GPC6: variants seen among roughly 807,000 people sequenced by gnomAD.
GPC6 encodes glypican 6.
GPC6 carries 14 observed loss-of-function variants against 55.2 expected under a neutral mutation model. The ratio of observed to expected loss-of-function variants is 0.25; its 90% confidence interval spans 0.17 to 0.40. The LOEUF is 0.40. Among genes scored for constraint, GPC6 ranks in the 10% least tolerant of loss-of-function variants. The probability of loss-of-function intolerance (pLI) is 1.00; values close to 1 mark genes in which losing one functional copy is unlikely to be tolerated. For missense variants in GPC6, 641 were observed against 708.5 expected (o/e 0.90, Z 1.08); for synonymous variants, 278 against 259.6 (o/e 1.07, Z -0.68).
chr13:94,210,185 C>T (rs1381207029), intron 4 of GPC6, among the ~76,000 whole-genome samples: 26 of 144,898 alleles, frequency 1.8e-4, no homozygotes, highest in African/African-American at 6.7e-4. Context: ...GAGACAGAGT[C>T]TCGCTGTGCC....
chr13:93,749,672 TA>T (rs1054334260), intron 2 of GPC6, among the ~76,000 whole-genome samples: 5 of 151,922 alleles, frequency 3.3e-5, no homozygotes, highest in African/African-American at 1.2e-4. Context: ...GTTCTATAAT[TA>T]AAAGCAATAA....
chr13:93,703,381 A>G (rs1882739935), intron 2 of GPC6, among the ~76,000 whole-genome samples: 1 of 151,984 alleles, frequency 6.6e-6, no homozygotes, highest in Non-Finnish European at 1.5e-5. Context: ...TAATAATTAT[A>G]AAAGTTTGGA....
intron 2 of GPC6, among the ~76,000 whole-genome samples, chr13:93,616,220 A>G (rs980459915): frequency 6.6e-6 from 1 of 152,114 alleles, no homozygotes; most frequent in Non-Finnish European, 1.5e-5. Flanking sequence ...TAACTAGCAC[A>G]TTCAAAATAA....
chr13:93,242,526 A>G (rs930777745), intron 1 of GPC6, among the ~76,000 whole-genome samples: 5 of 152,158 alleles, frequency 3.3e-5, no homozygotes, highest in Non-Finnish European at 7.4e-5. Flanking sequence ...CACCCAAGCC[A>G]AGCTCCTACA....
intron 4 of GPC6, among the ~76,000 whole-genome samples, chr13:94,039,674 A>T (rs1483492439): frequency 1.3e-5 from 2 of 151,870 alleles, no homozygotes; most frequent in African/African-American, 4.8e-5. Context: ...TGTTCCTGGG[A>T]CAAAAGCTGG....
chr13:93,484,408 C>A (rs1237514328), intron 1 of GPC6, among the ~76,000 whole-genome samples: 4 of 152,072 alleles, frequency 2.6e-5, no homozygotes, highest in Non-Finnish European at 5.9e-5. Context: ...TCACAGAAAT[C>A]AATTTGACAA....
At chr13:93,284,417 G>A (rs1296861957) in intron 1 of GPC6, among the ~76,000 whole-genome samples, 1 of 152,154 alleles carries the variant, frequency 6.6e-6, no homozygotes, top group Non-Finnish European at 1.5e-5. Flanking sequence ...ATATTTAATA[G>A]TTTTATCAGG....
At chr13:93,523,434 A>C (rs1386335000) in intron 1 of GPC6, among the ~76,000 whole-genome samples, 1 of 133,754 alleles carries the variant, frequency 7.5e-6, no homozygotes, top group Admixed American at 7.8e-5. Context: ...TTGGTGTATG[A>C]CATTTTACAC....
intron 4 of GPC6, among the ~76,000 whole-genome samples, chr13:94,123,167 TAAATATTTAA>T (rs1886695163): frequency 1.3e-5 from 2 of 152,090 alleles, no homozygotes; most frequent in Admixed American, 6.6e-5. Flanking sequence ...ATACTATTAG[TAAATATTTAA>T]GTATCAATAT....
At chr13:94,309,597 A>C (rs1322462640) in intron 6 of GPC6, among the ~76,000 whole-genome samples, 2 of 151,776 alleles carry the variant, frequency 1.3e-5, no homozygotes, top group Non-Finnish European at 2.9e-5. Flanking sequence ...ATATACACAT[A>C]AGAAGCAGTT....
intron 1 of GPC6, chr13:93,395,209 T>C (rs1566334366): frequency 2.9e-6 from 1 of 345,764 alleles, no homozygotes; most frequent in African/African-American, 2.1e-5. Context: ...TAATGTTTCT[T>C]CCATGATCAA....
chr13:94,298,077 G>A lies in GPC6; in HGVS notation c.1009-7903G>A, dbSNP rs543953855. Among the ~76,000 whole-genome samples, 5 of 151,966 alleles carry A rather than the reference G, an allele frequency of 3.3e-5. No homozygotes were observed. The South Asian group carries it at 1.0e-3, about 32-fold the overall frequency. On this transcript the variant is annotated intron_variant, in intron 5 of 8. Coordinates refer to ENST00000377047, the MANE Select transcript of GPC6 (RefSeq NM_005708.5). ...GACATTTAAAATGCCTTTGTAGTGA[G>A]TATAATAATTTTATATCTAAAGAAA...
At chr13:94,099,806 C>A (rs1452557445) in intron 4 of GPC6, among the ~76,000 whole-genome samples, 1 of 151,914 alleles carries the variant, frequency 6.6e-6, no homozygotes, top group African/African-American at 2.4e-5. Context: ...ATATTTGTGT[C>A]TTGTATATTA....
At chr13:94,310,473 G>C (rs548997932) in intron 6 of GPC6, among the ~76,000 whole-genome samples, 1 of 152,254 alleles carries the variant, frequency 6.6e-6, no homozygotes, top group African/African-American at 2.4e-5. Context: ...CCTGTTCTGT[G>C]CTATTATGTA....
At chr13:93,629,049 C>CA (rs34212412) in intron 2 of GPC6, among the ~76,000 whole-genome samples, 24 of 145,734 alleles carry the variant, frequency 1.6e-4, no homozygotes, top group South Asian at 6.5e-4. Flanking sequence ...AAAAAAAAAA[C>CA]AAAAAAAACT....
At chr13:93,982,970 C>G (rs1256023662) in intron 3 of GPC6, among the ~76,000 whole-genome samples, 1 of 152,184 alleles carries the variant, frequency 6.6e-6, no homozygotes, top group Non-Finnish European at 1.5e-5. Flanking sequence ...TAGGTGCTCT[C>G]TTTTGATGGG....
intron 3 of GPC6, among the ~76,000 whole-genome samples, chr13:93,999,670 T>G (rs1881713008): frequency 6.6e-6 from 1 of 152,186 alleles, no homozygotes; most frequent in South Asian, 2.1e-4. Flanking sequence ...CGACCACATT[T>G]TTTGTTCATC....
chr13:93,459,531 A>C (rs1878602368), intron 1 of GPC6, among the ~76,000 whole-genome samples: 1 of 152,258 alleles, frequency 6.6e-6, no homozygotes, highest in Non-Finnish European at 1.5e-5. Flanking sequence ...CTTTAACAGT[A>C]GACCTGTATT....
chr13:94,272,315 G>T (rs1012331019), intron 4 of GPC6, among the ~76,000 whole-genome samples: 1 of 151,992 alleles, frequency 6.6e-6, no homozygotes, highest in East Asian at 1.9e-4. Flanking sequence ...GGGCGATTTG[G>T]TTTATTAACT....
Sources: gnomAD v4.1 joint callset for allele counts (sites outside exome capture counted in the v4.1 genomes callset) on GRCh38, gnomAD v4.1.1 for gene constraint, MANE v1.5 for transcripts, NCBI Gene and HGNC (gene_info 2026-07-23, HGNC 2026-07-21) for gene names.